Variants in NFIA observed in about 807,000 individuals in gnomAD.
NFIA encodes nuclear factor 1 A-type.
In NFIA, 8 loss-of-function variants were observed where a neutral mutation model predicts 62.8. That is an observed-to-expected ratio of 0.13 (90% CI 0.07 to 0.23). NFIA has a LOEUF of 0.23. Ranked by LOEUF, NFIA falls within the 10% of genes least tolerant of loss-of-function variation. The pLI is 1.00. For synonymous variants in NFIA, 235 were observed against 238.1 expected (o/e 0.99, Z 0.12); for missense variants, 410 against 642.1 (o/e 0.64, Z 3.91).
chr1:61,195,766 A>G (rs1382188564), intron 2 of NFIA, among the ~76,000 whole-genome samples: 1 of 152,198 alleles, frequency 6.6e-6, no homozygotes, highest in Non-Finnish European at 1.5e-5. Flanking sequence ...ACCACAAGAA[A>G]TATCTCTTTT....
At chr1:61,383,094 C>G in intron 6 of NFIA, 143 bp from the exon 7 acceptor site, 1 of 1,031,824 alleles carries the variant, frequency 9.7e-7, no homozygotes, top group Non-Finnish European at 1.4e-6. Context: ...GTGACAAATG[C>G]AAAGCAATTC....
At chr1:61,201,268 A>T (rs916642658) in intron 2 of NFIA, among the ~76,000 whole-genome samples, 1 of 152,220 alleles carries the variant, frequency 6.6e-6, no homozygotes, top group African/African-American at 2.4e-5. Flanking sequence ...TAATCGACAC[A>T]TCCGCTCCTC....
chr1:61,430,627 A>G (rs796155531), intron 10 of NFIA, among the ~76,000 whole-genome samples: 64 of 143,884 alleles, frequency 4.4e-4, no homozygotes, highest in African/African-American at 1.7e-3. Context: ...ATTGAAAGCC[A>G]TTTTTCCTCC....
chr1:61,294,300 A>G (rs1190010380), intron 3 of NFIA, among the ~76,000 whole-genome samples: 2 of 148,142 alleles, frequency 1.4e-5, no homozygotes, highest in Non-Finnish European at 2.9e-5. Flanking sequence ...TGCTCCAGGC[A>G]TTAGTCACAA....
intron 2 of NFIA, among the ~76,000 whole-genome samples, chr1:61,185,850 C>T (rs1455506884): frequency 6.6e-6 from 1 of 151,986 alleles, no homozygotes; most frequent in African/African-American, 2.4e-5. Flanking sequence ...ATTGTCCTTC[C>T]TGTTTATATT....
chr1:61,241,348 C>T (rs568242318), intron 2 of NFIA, among the ~76,000 whole-genome samples: 4 of 152,028 alleles, frequency 2.6e-5, no homozygotes, highest in African/African-American at 4.8e-5. Context: ...AAGCTGCTTT[C>T]GTGCAATGTA....
chr1:61,312,217 T>C (rs2100351440), intron 3 of NFIA, among the ~76,000 whole-genome samples: 1 of 152,316 alleles, frequency 6.6e-6, no homozygotes, highest in East Asian at 1.9e-4. Flanking sequence ...GCTCTTTGGG[T>C]GTGGGAAGTA....
At chr1:61,105,231 T>TA (rs1375879541) in intron 2 of NFIA, among the ~76,000 whole-genome samples, 1 of 151,980 alleles carries the variant, frequency 6.6e-6, no homozygotes, top group Non-Finnish European at 1.5e-5. Flanking sequence ...GAAGGAGAAA[T>TA]ACAGTTTAGA....
Position 61,458,746 on chromosome 1 carries a change from A to G in NFIA, c.*3426A>G, listed in dbSNP as rs1557458455. On this transcript the variant is annotated 3_prime_UTR_variant, in exon 11 of 11. Transcript: ENST00000403491. ...AATTATTTTTTTCTCTCAATGGTATAGCATATTCCTATGCTTGAGAAGTAT... is the reference window on the plus strand; with the variant it reads ...AATTATTTTTTTCTCTCAATGGTATGGCATATTCCTATGCTTGAGAAGTAT... 1 of 140,176 alleles carries G rather than the reference A, an allele frequency of 7.1e-6. No individual in the cohort carries two copies. The allele number at this position is 140,176 out of a possible 1,614,324, so 8.7% of individuals were successfully genotyped here.
intron 2 of NFIA, among the ~76,000 whole-genome samples, chr1:61,093,519 T>A (rs183094743): frequency 1.7e-3 from 260 of 152,358 alleles, no homozygotes; most frequent in Non-Finnish European, 3.1e-3. Flanking sequence ...TTAATTTATC[T>A]TTTAATTCTT....
At position 61,205,247 on chromosome 1, in the gene NFIA, A is replaced by G. The variant is rs187978281; in HGVS notation, c.560-72273A>G. Reference sequence around the variant, plus strand: ...CTTAATTCCCAAGTCTGTACTCTTAATATTATACTAAGTTGCCTGAGAATT... The same window carrying G: ...CTTAATTCCCAAGTCTGTACTCTTAGTATTATACTAAGTTGCCTGAGAATT... On this transcript the variant is annotated intron_variant, in intron 2 of 10. Coordinates refer to ENST00000403491, the MANE Select transcript of NFIA (RefSeq NM_001134673.4). Among the ~76,000 whole-genome samples, 484 of 152,316 alleles carry G rather than the reference A, an allele frequency of 3.2e-3. 3 individuals carry two copies. The highest frequency in any genetic ancestry group is 5.9e-3 in the Admixed American group (90 of 15,306).
chr1:61,165,594 C>T (rs1649515547), intron 2 of NFIA, among the ~76,000 whole-genome samples: 2 of 152,226 alleles, frequency 1.3e-5, no homozygotes, highest in African/African-American at 4.8e-5. Context: ...CTTTCTGCAG[C>T]TTAACTGCTG....
chr1:61,410,469 G>A (rs923017674), intron 9 of NFIA, among the ~76,000 whole-genome samples: 1 of 152,182 alleles, frequency 6.6e-6, no homozygotes, highest in African/African-American at 2.4e-5. Context: ...TCATGACAGG[G>A]TATTCAGTAC....
At chr1:61,287,390 T>TTCTCCA (rs1658572429) in intron 3 of NFIA, among the ~76,000 whole-genome samples, 1 of 152,242 alleles carries the variant, frequency 6.6e-6, no homozygotes, top group Non-Finnish European at 1.5e-5. Context: ...TAAACAATTA[T>TTCTCCA]TTCTCAAAAT....
intron 3 of NFIA, among the ~76,000 whole-genome samples, chr1:61,288,480 A>G (rs1658651572): frequency 6.6e-6 from 1 of 152,202 alleles, no homozygotes; most frequent in Admixed American, 6.5e-5. Flanking sequence ...ATTCAAGGAA[A>G]ACAATTTTGG....
At chr1:61,270,907 CATTTT>C (rs1340649260) in intron 2 of NFIA, among the ~76,000 whole-genome samples, 5 of 152,192 alleles carry the variant, frequency 3.3e-5, no homozygotes, top group Non-Finnish European at 7.3e-5. Context: ...ATTACCTAGA[CATTTT>C]AGTTTAGTTT....
chr1:61,441,231 C>T (rs1667558271), intron 10 of NFIA, among the ~76,000 whole-genome samples: 1 of 151,668 alleles, frequency 6.6e-6, no homozygotes, highest in Non-Finnish European at 1.5e-5. Context: ...TTCCAAGGAA[C>T]AAATGCATGT....
intron 2 of NFIA, among the ~76,000 whole-genome samples, chr1:61,262,194 A>G (rs947288737): frequency 1.3e-5 from 2 of 152,146 alleles, no homozygotes; most frequent in Non-Finnish European, 2.9e-5. Flanking sequence ...ATGAAAAGCA[A>G]TGGGTAAGAT....
chr1:61,181,348 T>C (rs946272903), intron 2 of NFIA, among the ~76,000 whole-genome samples: 1 of 152,208 alleles, frequency 6.6e-6, no homozygotes, highest in South Asian at 2.1e-4. Context: ...CAGACAGTAA[T>C]GTACATTGTT....
Sources: allele counts gnomAD v4.1 joint callset (sites outside exome capture counted in the v4.1 genomes callset), GRCh38; gene constraint gnomAD v4.1.1; transcripts MANE v1.5; gene names NCBI Gene and HGNC (gene_info 2026-07-23, HGNC 2026-07-21).